CAMSAP2: variants seen among roughly 807,000 people sequenced by gnomAD.
The protein encoded by CAMSAP2 is calmodulin regulated spectrin associated protein family member 2, also known as calmodulin-regulated spectrin-associated protein 2.
In CAMSAP2, 26 loss-of-function variants were observed where a neutral mutation model predicts 146.1. That is an observed-to-expected ratio of 0.18 (90% CI 0.13 to 0.25). The LOEUF (loss-of-function observed/expected upper bound fraction) is 0.25, where lower values mean the gene tolerates loss of function less well. Among genes scored for constraint, CAMSAP2 ranks in the 10% least tolerant of loss-of-function variants. The pLI is 1.00. For missense variants in CAMSAP2, 1,381 were observed against 1,759.3 expected, an observed-to-expected ratio of 0.78 and a Z score of 3.85; for synonymous variants, 499 against 596.6, an observed-to-expected ratio of 0.84 and a Z score of 2.38.
At chr1:200,783,865 T>G (rs1665511050) in intron 2 of CAMSAP2, among the ~76,000 whole-genome samples, 1 of 152,200 alleles carries the variant, frequency 6.6e-6, no homozygotes, top group African/African-American at 2.4e-5. Flanking sequence ...TTTTTCTTTT[T>G]TAGTTAGTGC....
chr1:200,842,296 A>C (rs1255935623), intron 7 of CAMSAP2, among the ~76,000 whole-genome samples: 1 of 152,200 alleles, frequency 6.6e-6, no homozygotes, highest in African/African-American at 2.4e-5. Flanking sequence ...TTGAAGTCTT[A>C]TGATGTGGAA....
intron 2 of CAMSAP2, among the ~76,000 whole-genome samples, chr1:200,767,288 G>A (rs1408725322): frequency 1.3e-5 from 2 of 151,746 alleles, no homozygotes; most frequent in African/African-American, 2.4e-5. Context: ...CTTGAACCTG[G>A]GAGGCAGAGG....
intron 8 of CAMSAP2, among the ~76,000 whole-genome samples, chr1:200,846,257 C>G (rs1308157058): frequency 6.6e-6 from 1 of 152,176 alleles, no homozygotes; most frequent in East Asian, 1.9e-4. Context: ...GGTCATCACT[C>G]TTGCTCTATT....
chr1:200,848,129 A>G lies in CAMSAP2; in HGVS notation c.1360A>G (p.Asn454Asp), dbSNP rs765429216. The G allele has an allele frequency of 2.5e-6, 4 of 1,612,678 alleles. No homozygotes were observed. The highest frequency in any genetic ancestry group is 3.4e-6 in the Non-Finnish European group (4 of 1,179,282). Residue 454 changes from asparagine (N) to aspartate (D), a missense_variant, in exon 11 of 17, where the codon AAT (asparagine) becomes GAT (aspartate). This residue lies in a region of CAMSAP2 where 447 missense variants were observed against 462.2 expected (regional missense o/e 0.97). Transcript: ENST00000358823. ...CCGAGGAATCACTCGTTCTATTAGT[A>G]ATGAAGGACTTACTCTGAACAACAG... ...PNRGITRSIS[N>D]EGLTLNNSHV... is the part of the protein sequence containing the mutation.
Position 200,858,110 on chromosome 1 carries a change from CT to C in CAMSAP2, c.*54del, listed in dbSNP as rs1376525386. On this transcript the variant is annotated 3_prime_UTR_variant, in exon 17 of 17. Coordinates refer to ENST00000358823, the MANE Select transcript of CAMSAP2 (RefSeq NM_203459.4). The stretch of plus-strand genomic sequence containing the variant: ...CATTCATGGTAAATTTGCACTTCAT[CT>C]TTCCTGCCTATAGAAAATCTTTCTA... 5 of 1,426,618 alleles carry C rather than the reference CT, an allele frequency of 3.5e-6. No homozygotes were observed. In the African/African-American group the frequency reaches 7.2e-5, roughly 21 times the overall value. The allele number at this position is 1,426,618 out of a possible 1,614,324, so 88.4% of individuals were successfully genotyped here.
chr1:200,817,417 A>G (rs1387283634), intron 4 of CAMSAP2, among the ~76,000 whole-genome samples: 1 of 152,140 alleles, frequency 6.6e-6, no homozygotes, highest in Non-Finnish European at 1.5e-5. Flanking sequence ...TGTGTTTGTC[A>G]TATGCTAAGA....
chr1:200,758,753 A>G (rs375988836), intron 1 of CAMSAP2, among the ~76,000 whole-genome samples: 11 of 152,122 alleles, frequency 7.2e-5, no homozygotes, highest in Admixed American at 2.6e-4. Flanking sequence ...TCATTTTTCT[A>G]TTAATGATAT....
At chr1:200,854,052 C>T (rs547202194) in intron 13 of CAMSAP2, among the ~76,000 whole-genome samples, 1 of 152,262 alleles carries the variant, frequency 6.6e-6, no homozygotes, top group South Asian at 2.1e-4. Context: ...GATCATGGCT[C>T]ACTGCAGCCT....
chr1:200,742,243 T>A (rs1348247186), intron 1 of CAMSAP2, among the ~76,000 whole-genome samples: 4 of 152,230 alleles, frequency 2.6e-5, no homozygotes, highest in African/African-American at 4.8e-5. Context: ...GTGAAAAATG[T>A]GCACATAGTA....
chr1:200,820,057 A>C (rs947743806), intron 4 of CAMSAP2, among the ~76,000 whole-genome samples: 3 of 150,060 alleles, frequency 2.0e-5, no homozygotes, highest in African/African-American at 5.0e-5. Context: ...AATGTTTCTC[A>C]AAAAATTTTT....
chr1:200,813,062 T>C (rs149646949), intron 3 of CAMSAP2, among the ~76,000 whole-genome samples: 292 of 152,356 alleles, frequency 1.9e-3, no homozygotes, highest in African/African-American at 6.7e-3. Context: ...TGCCTTAGCC[T>C]AGGTAATTTA....
intron 7 of CAMSAP2, among the ~76,000 whole-genome samples, chr1:200,842,778 C>G (rs1230165615): frequency 2.0e-5 from 3 of 152,054 alleles, no homozygotes; most frequent in African/African-American, 7.2e-5. Context: ...GAGTTTGAAA[C>G]CAGGCTGGGC....
At chr1:200,775,446 AT>A (rs946591443) in intron 2 of CAMSAP2, among the ~76,000 whole-genome samples, 424 of 151,206 alleles carry the variant, frequency 2.8e-3, no homozygotes, top group African/African-American at 9.5e-3. Context: ...GATCTGGTTT[AT>A]TTTTTTTTCA....
Position 200,847,671 on chromosome 1 carries a change from T to C in CAMSAP2, c.1224T>C (p.Tyr408=), listed in dbSNP as rs1162241223. The change falls in exon 10 of 17, where the codon TAT becomes TAC. Residue 408 remains tyrosine (Y), a synonymous_variant. Coordinates refer to ENST00000358823, the MANE Select transcript of CAMSAP2 (RefSeq NM_203459.4). ...TTAGAAGGTCTTCATCTATGTCTTA[T>C]GTTGATGGCTTCATAGGGACATGGC... The part of the protein sequence containing the change: ...GGIRRSSSMS[Y]VDGFIGTWPK... 9.9e-6 allele frequency: 16 copies of C among 1,612,868 alleles called. No homozygotes were observed. The South Asian group carries it at 1.3e-4, about 13-fold the overall frequency.
intron 4 of CAMSAP2, among the ~76,000 whole-genome samples, chr1:200,820,130 G>T (rs762654579): frequency 6.6e-6 from 1 of 151,084 alleles, no homozygotes; most frequent in African/African-American, 2.4e-5. Context: ...GCATGATCTC[G>T]GCTCATTGCA....
At chr1:200,798,915 A>G (rs1261213019) in intron 2 of CAMSAP2, among the ~76,000 whole-genome samples, 1 of 151,570 alleles carries the variant, frequency 6.6e-6, no homozygotes, top group Non-Finnish European at 1.5e-5. Context: ...TTCTGCATCT[A>G]TTGAGATAAT....
At chr1:200,825,836 G>C (rs76067662) in intron 4 of CAMSAP2, among the ~76,000 whole-genome samples, 427 of 152,254 alleles carry the variant, frequency 2.8e-3, no homozygotes, top group African/African-American at 9.5e-3. Flanking sequence ...GCATAGTGCT[G>C]CCTTGTGAAT....
rs1664093806 is a variant in CAMSAP2, at chr1:200,739,712, A to G, written c.-116A>G. The G allele has an allele frequency of 2.4e-6, 2 of 830,992 alleles. No homozygotes were observed. Among genetic ancestry groups the G allele is most frequent in the Admixed American group, 8.4e-5 (2 of 23,804 alleles). The allele number at this position is 830,992 out of a possible 1,614,324, so 51.5% of individuals were successfully genotyped here. A position where few individuals can be genotyped will look rare whatever the true frequency, so the allele number is the denominator to read the frequency against. ...CTCCTCCGTCGGCGCCCGGGCGGAC[A>G]TCGCCCGGGCCCCGATGGTTTGAGC... On this transcript the variant is annotated 5_prime_UTR_variant, in exon 1 of 17. Coordinates refer to ENST00000358823, the MANE Select transcript of CAMSAP2 (RefSeq NM_203459.4). This position sits in a 1 kb window ranked among gnomAD's most constrained non-coding sequence, Gnocchi z 4.8.
At chr1:200,747,708 A>G (rs954330339) in intron 1 of CAMSAP2, among the ~76,000 whole-genome samples, 10 of 152,072 alleles carry the variant, frequency 6.6e-5, no homozygotes, top group African/African-American at 1.9e-4. Context: ...GTCTAGTCTC[A>G]TGGTAGAAAA....
Sources: gnomAD v4.1 joint callset for allele counts (sites outside exome capture counted in the v4.1 genomes callset) on GRCh38, gnomAD v4.1.1 for gene constraint, gnomAD v4.1.1 regional missense constraint, Gnocchi (gnomAD v3.1) non-coding constraint, MANE v1.5 for transcripts, NCBI Gene and HGNC (gene_info 2026-07-23, HGNC 2026-07-21) for gene names.